Variants in AGAP4 observed in about 807,000 individuals in gnomAD.
AGAP4 encodes the protein arf-GAP with GTPase, ANK repeat and PH domain-containing protein 4.
Under a neutral mutation model 60.7 loss-of-function variants are expected in AGAP4, and 13 were observed. The observed-to-expected ratio is 0.21, with a 90% CI of 0.14 to 0.34. The LOEUF (loss-of-function observed/expected upper bound fraction) is 0.34, where lower values mean the gene tolerates loss of function less well. Among genes scored for constraint, AGAP4 ranks in the 10% least tolerant of loss-of-function variants. AGAP4 has a pLI of 1.00. For synonymous variants in AGAP4, 70 were observed against 339.0 expected, an observed-to-expected ratio of 0.21 and a Z score of 8.72; for missense variants, 169 against 884.0, an observed-to-expected ratio of 0.19 and a Z score of 10.26.
upstream of AGAP4, among the ~76,000 whole-genome samples, chr10:45,849,429 G>A (rs1339884726): frequency 2.6e-5 from 4 of 151,204 alleles, no homozygotes; most frequent in Non-Finnish European, 5.9e-5. Flanking sequence ...AAAGGTAGAA[G>A]TCAAGCTTGG....
chr10:45,843,498 C>G lies in AGAP4; in HGVS notation c.361+828G>C, dbSNP rs1439496090. On this transcript the variant is annotated intron_variant, in intron 3 of 7. Coordinates refer to ENST00000616763, the MANE Select transcript of AGAP4 (RefSeq NM_001276343.3). The stretch of plus-strand genomic sequence containing the variant: ...TAAACCTCTTTTTGTTATAAATTAC[C>G]CAGCCTTAGGTATCTCTTTATAGTA... 1.4e-4 allele frequency among the ~76,000 whole-genome samples: 19 copies of G among 133,592 alleles called. 1 individual carries two copies. The highest frequency in any genetic ancestry group is 5.7e-4 in the African/African-American group (19 of 33,186). The allele number at this position is 133,592 out of a possible 152,430, so 87.6% of individuals were successfully genotyped here.
At position 45,844,645 on chromosome 10, in the gene AGAP4, T is replaced by C. The variant is rs868954242; in HGVS notation, c.293-251A>G. On this transcript the variant is annotated intron_variant, in intron 2 of 7. Transcript: ENST00000616763. ...GAAGTTGAGGCCAGCATGAGTAACA[T>C]AATGACACCCTCCTTTATTTAAAAA... 34 of 283,838 alleles carry C rather than the reference T, an allele frequency of 1.2e-4. 1 individual carries two copies. The highest frequency in any genetic ancestry group is 7.3e-4 in the South Asian group (6 of 8,264). The allele number at this position is 283,838 out of a possible 1,614,324, so 17.6% of individuals were successfully genotyped here.
intron 1 of AGAP4, 103 bp downstream of exon 1, chr10:45,847,022 C>G: frequency 1.3e-6 from 2 of 1,597,098 alleles, no homozygotes; most frequent in Admixed American, 1.7e-5. Context: ...AAGCTGGCTA[C>G]AAGCAGAAAG....
At chr10:45,847,046 G>C (rs1464574202) in intron 1 of AGAP4, 79 bp downstream of exon 1, 295 of 1,596,830 alleles carry the variant, frequency 1.8e-4, no homozygotes, top group Non-Finnish European at 2.3e-4. Context: ...CTCGAAGTGG[G>C]GGATGCCTCA....
intron 6 of AGAP4, among the ~76,000 whole-genome samples, chr10:45,829,933 T>C (rs1554896880): frequency 6.7e-6 from 1 of 148,484 alleles, no homozygotes; most frequent in Non-Finnish European, 1.5e-5. Context: ...TCCAAGTAAC[T>C]AATGCATGAT....
At chr10:45,830,733 C>A (rs1590017637) in intron 6 of AGAP4, among the ~76,000 whole-genome samples, 3 of 130,580 alleles carry the variant, frequency 2.3e-5, no homozygotes, top group Admixed American at 2.2e-4. Context: ...GATCCGCCCG[C>A]CTCAGCCTCC....
Position 45,847,457 on chromosome 10 carries a change from G to A in AGAP4, c.-110C>T, listed in dbSNP as rs1229602984. The stretch of plus-strand genomic sequence containing the variant: ...CTGCACTTGCAGAGATGGTCTTCCC[G>A]CTCCTCGCCTGCCCACCTCACAGCG... On this transcript the variant is annotated 5_prime_UTR_variant, in exon 1 of 8. Transcript: ENST00000616763. The A allele has an allele frequency of 2.2e-5, 33 of 1,531,128 alleles. No individual in the cohort carries two copies. The highest frequency in any genetic ancestry group is 1.6e-4 in the Admixed American group (8 of 50,914). 94.8% of individuals were successfully genotyped at this position (1,531,128 alleles called of 1,614,324 possible).
In AGAP4 at chr10:45,847,438, T is replaced by C; in HGVS notation, c.-91A>G. 1 of 1,533,276 alleles carries C rather than the reference T, an allele frequency of 6.5e-7. No homozygotes were observed. Among genetic ancestry groups the C allele is most frequent in the East Asian group, 2.4e-5 (1 of 41,062 alleles). The allele number at this position is 1,533,276 out of a possible 1,614,324, so 95.0% of individuals were successfully genotyped here. ...GTCCTAGGCCGAGGCTATGCTGCAC[T>C]TGCAGAGATGGTCTTCCCGCTCCTC... On this transcript the variant is annotated 5_prime_UTR_variant, in exon 1 of 8. Transcript: ENST00000616763.
chr10:45,853,759 A>G (rs2059110628), exon 1 of AGAP4: 1 of 1,287,872 alleles, frequency 7.8e-7, no homozygotes, highest in South Asian at 1.2e-5. Flanking sequence ...AAGACCTTAC[A>G]GTTCTCATGG....
intron 4 of AGAP4, among the ~76,000 whole-genome samples, chr10:45,834,859 C>T (rs1280855030): frequency 2.0e-5 from 3 of 146,394 alleles, no homozygotes; most frequent in Admixed American, 2.0e-4. Context: ...CTGCAAGCTC[C>T]GCCTCCCGGG....
intron 5 of AGAP4, among the ~76,000 whole-genome samples, chr10:45,832,836 CTATT>C: frequency 1.3e-5 from 1 of 75,808 alleles, no homozygotes; most frequent in South Asian, 5.3e-4. Context: ...CCAATTTGCC[CTATT>C]AATTTGTTCA....
At chr10:45,853,939 A>G (rs1455184257), upstream of AGAP4, 34 of 1,171,394 alleles carry the variant, frequency 2.9e-5, no homozygotes, top group Non-Finnish European at 3.6e-5. Context: ...GTTCATTCAT[A>G]TATGTTTATC....
At chr10:45,851,336 A>G (rs1252973816), upstream of AGAP4, among the ~76,000 whole-genome samples, 1 of 152,010 alleles carries the variant, frequency 6.6e-6, no homozygotes, top group African/African-American at 2.4e-5. Context: ...TAGAAAGGAG[A>G]TGATGCCTTC....
In AGAP4 at chr10:45,834,082, A is replaced by G. The variant is rs201022774; in HGVS notation, c.431T>C (p.Leu144Ser). ...STVRFSQQYSLCSTIFLDDST... is the reference protein window; with the variant it reads ...STVRFSQQYSSCSTIFLDDST... ...GTCATCAAGGAATATTGTCGAACAC[A>G]AGCTGTATTGTTGACTGAAACGCAC... The change falls in exon 5 of 8, where the codon TTG becomes TCG. Residue 144 changes from leucine to serine, a missense_variant. Leu to Ser is a moderately radical substitution (Grantham distance 145, BLOSUM62 -2). Transcript: ENST00000616763. 2,963 of 1,567,190 alleles carry G rather than the reference A, an allele frequency of 1.9e-3. 33 individuals are homozygous for G. Among genetic ancestry groups the G allele is most frequent in the African/African-American group, 0.011 (763 of 69,612 alleles).
intron 5 of AGAP4, among the ~76,000 whole-genome samples, chr10:45,832,102 C>CT (rs1266886798): frequency 1.5e-5 from 2 of 136,066 alleles, no homozygotes; most frequent in African/African-American, 5.4e-5. Context: ...CTCAAAACAA[C>CT]TGAGGGAAGG....
intron 6 of AGAP4, among the ~76,000 whole-genome samples, chr10:45,830,537 G>A (rs1399770057): frequency 9.6e-6 from 1 of 104,318 alleles, no homozygotes; most frequent in Non-Finnish European, 2.0e-5. Context: ...CCAGGCTGCA[G>A]TGCAATGGCA....
At chr10:45,830,783 C>T (rs2058720788) in intron 6 of AGAP4, among the ~76,000 whole-genome samples, 1 of 127,402 alleles carries the variant, frequency 7.8e-6, no homozygotes, top group East Asian at 2.4e-4. Flanking sequence ...CCGTGCCCAA[C>T]CTCTTATTGC....
chr10:45,829,922 T>C (rs1365392414), intron 6 of AGAP4, among the ~76,000 whole-genome samples: 3 of 149,002 alleles, frequency 2.0e-5, no homozygotes, highest in African/African-American at 4.9e-5. Flanking sequence ...AACCAATATA[T>C]TCCAAGTAAC....
chr10:45,834,977 G>T (rs1326986662), intron 4 of AGAP4, among the ~76,000 whole-genome samples: 2 of 146,530 alleles, frequency 1.4e-5, no homozygotes, highest in Non-Finnish European at 3.0e-5. Context: ...GTTTCACCGT[G>T]TTAGCCAGGA....
Sources: gnomAD v4.1 joint callset for allele counts (sites outside exome capture counted in the v4.1 genomes callset) on GRCh38, gnomAD v4.1.1 for gene constraint, MANE v1.5 for transcripts, NCBI Gene and HGNC (gene_info 2026-07-23, HGNC 2026-07-21) for gene names.